The following ACOXL variants were observed in gnomAD, a reference collection of about 807,000 sequenced individuals.
The protein encoded by ACOXL is acyl-CoA oxidase like, also known as acyl-coenzyme A oxidase-like protein.
Under a neutral mutation model 71.9 loss-of-function variants are expected in ACOXL, and 70 were observed. The ratio of observed to expected loss-of-function variants is 0.97; its 90% confidence interval spans 0.80 to 1.19. The LOEUF (loss-of-function observed/expected upper bound fraction) is 1.19. Among genes scored for constraint, ACOXL ranks in the 50% most tolerant of loss-of-function variants. ACOXL has a pLI of 0.00. For missense variants in ACOXL, 703 were observed against 736.3 expected (o/e 0.95, Z 0.52); for synonymous variants, 253 against 281.6 (o/e 0.90, Z 1.02).
chr2:110,801,359 G>A (rs1685968564), intron 7 of ACOXL, among the ~76,000 whole-genome samples: 1 of 152,226 alleles, frequency 6.6e-6, no homozygotes, highest in Admixed American at 6.5e-5. Flanking sequence ...CACTGCTCGG[G>A]AGGTAGGTGT....
intron 9 of ACOXL, among the ~76,000 whole-genome samples, chr2:110,813,540 C>G (rs1687590937): frequency 1.3e-5 from 2 of 152,168 alleles, no homozygotes; most frequent in Admixed American, 6.5e-5. Context: ...TTGGCCACCT[C>G]TGGGGAAAAG....
rs370647785 is a variant in ACOXL, at chr2:110,889,291, G to A, written c.789-19498G>A. 3.4e-5 allele frequency among the ~76,000 whole-genome samples: 5 copies of A among 149,166 alleles called. No homozygotes were observed. The East Asian group carries it at 7.9e-4, about 23-fold the overall frequency. ...TGGAAATTCAAGAGCCCATGGTGAAGTAAAATTAACCACCCCAACTAATTT... is the reference window on the plus strand; with the variant it reads ...TGGAAATTCAAGAGCCCATGGTGAAATAAAATTAACCACCCCAACTAATTT... On this transcript the variant is annotated intron_variant, in intron 10 of 17. Transcript: ENST00000439055.
intron 10 of ACOXL, among the ~76,000 whole-genome samples, chr2:110,898,022 A>G (rs1233872732): frequency 6.6e-6 from 1 of 152,176 alleles, no homozygotes; most frequent in Non-Finnish European, 1.5e-5. Context: ...TAAAAAACCC[A>G]CAAAATATCA....
At chr2:111,060,923 G>T (rs1293367038) in intron 16 of ACOXL, among the ~76,000 whole-genome samples, 1 of 152,078 alleles carries the variant, frequency 6.6e-6, no homozygotes, top group Admixed American at 6.5e-5. Context: ...AGAGAACAGA[G>T]GAAAGAATAA....
Position 110,793,714 on chromosome 2 carries a change from C to T in ACOXL, c.224C>T (p.Thr75Ile), listed in dbSNP as rs1684947435. The change falls in exon 4 of 18, where the codon ACT (threonine) becomes ATT (isoleucine). Residue 75 changes from threonine to isoleucine, a missense_variant. Physicochemically the swap from Thr to Ile is moderately conservative, Grantham distance 89. Coordinates refer to ENST00000439055, the MANE Select transcript of ACOXL (RefSeq NM_001142807.4). Reference protein sequence around the residue: ...IRNLGSPEHVTKWFQPLQEQK... With the variant: ...IRNLGSPEHVIKWFQPLQEQK... Reference sequence around the variant, plus strand: ...AATCTCGGAAGCCCTGAACATGTTACTAAGTGGTTTCAGCCACTCCAGGTA... The same window carrying T: ...AATCTCGGAAGCCCTGAACATGTTATTAAGTGGTTTCAGCCACTCCAGGTA... The T allele has an allele frequency of 1.9e-6, 3 of 1,614,092 alleles. No homozygotes were observed. Among genetic ancestry groups the T allele is most frequent in the African/African-American group, 1.3e-5 (1 of 75,008 alleles).
intron 12 of ACOXL, among the ~76,000 whole-genome samples, chr2:110,975,808 CAAAA>C (rs200729331): frequency 8.0e-6 from 1 of 124,964 alleles, no homozygotes; most frequent in African/African-American, 2.9e-5. Flanking sequence ...ATAAAGATTG[CAAAA>C]AAAAAAAAAT....
intron 10 of ACOXL, among the ~76,000 whole-genome samples, chr2:110,906,883 G>C (rs2059471955): frequency 6.6e-6 from 1 of 152,248 alleles, no homozygotes; most frequent in Admixed American, 6.5e-5. Flanking sequence ...GTCCCCCAGT[G>C]GGGTGGATTG....
At chr2:110,772,027 G>A (rs1682009980) in intron 2 of ACOXL, among the ~76,000 whole-genome samples, 1 of 152,204 alleles carries the variant, frequency 6.6e-6, no homozygotes, top group Non-Finnish European at 1.5e-5. Context: ...AGTTGACTGA[G>A]TACATGTTCT....
intron 2 of ACOXL, among the ~76,000 whole-genome samples, chr2:110,779,438 TAAA>T (rs1683061738): frequency 6.6e-6 from 1 of 152,238 alleles, no homozygotes; most frequent in Non-Finnish European, 1.5e-5. Context: ...ATACTTAGTT[TAAA>T]AATGTTGTAG....
intron 3 of ACOXL, among the ~76,000 whole-genome samples, chr2:110,792,378 C>T (rs908857749): frequency 3.3e-5 from 5 of 152,238 alleles, no homozygotes; most frequent in Non-Finnish European, 7.3e-5. Context: ...CCTGCTCCTT[C>T]CAAACGGCCC....
chr2:111,081,798 C>A (rs563900713), intron 16 of ACOXL, among the ~76,000 whole-genome samples: 2 of 152,198 alleles, frequency 1.3e-5, no homozygotes, highest in Non-Finnish European at 2.9e-5. Flanking sequence ...GTAACCAAAA[C>A]AGCATGGTAC....
intron 12 of ACOXL, among the ~76,000 whole-genome samples, chr2:110,971,119 CA>C (rs1227972191): frequency 6.6e-6 from 1 of 152,102 alleles, no homozygotes; most frequent in African/African-American, 2.4e-5. Flanking sequence ...CAAAACTCAA[CA>C]GTGACAAACA....
chr2:110,890,629 G>A (rs1186579739), intron 10 of ACOXL, among the ~76,000 whole-genome samples: 1 of 152,086 alleles, frequency 6.6e-6, no homozygotes, highest in African/African-American at 2.4e-5. Context: ...ATAAATATAA[G>A]GATATATTTC....
intron 15 of ACOXL, among the ~76,000 whole-genome samples, chr2:111,047,899 C>T (rs2066094201): frequency 2.0e-5 from 3 of 152,286 alleles, no homozygotes; most frequent in South Asian, 2.1e-4. Context: ...TAATCAGCAC[C>T]AGATACAACT....
At chr2:110,885,975 T>C (rs1312559603) in intron 10 of ACOXL, among the ~76,000 whole-genome samples, 4 of 152,168 alleles carry the variant, frequency 2.6e-5, no homozygotes, top group African/African-American at 9.7e-5. Context: ...TGTTTTTATA[T>C]GTTTCTCAAA....
Position 110,908,902 on chromosome 2 carries a change from G to C in ACOXL, c.902G>C (p.Ser301Thr). 1 of 1,613,050 alleles carries C rather than the reference G, an allele frequency of 6.2e-7. No individual in the cohort carries two copies. Among genetic ancestry groups the C allele is most frequent in the South Asian group, 1.1e-5 (1 of 90,906 alleles). ...ACAGCCTTGGCCCTGACCTTCGTCA[G>C]CAGGTGAGATGGCTCTCAGGGTTTG... ...LATALALTFV[S>T]RYAGALLDED... Residue 301 changes from serine to threonine, a missense_variant, in exon 11 of 18, where the codon AGC (serine) becomes ACC (threonine). By Grantham distance (58) the Ser-to-Thr change is moderately conservative. Coordinates refer to ENST00000439055, the MANE Select transcript of ACOXL (RefSeq NM_001142807.4).
At chr2:110,770,248 G>C (rs1413977906) in intron 2 of ACOXL, among the ~76,000 whole-genome samples, 1 of 152,214 alleles carries the variant, frequency 6.6e-6, no homozygotes. Flanking sequence ...CAGTTCAGGA[G>C]ACCACAGGGG....
intron 17 of ACOXL, among the ~76,000 whole-genome samples, chr2:111,093,212 T>G (rs930690867): frequency 2.6e-5 from 4 of 151,710 alleles, no homozygotes; most frequent in African/African-American, 7.3e-5. Flanking sequence ...TCAAAATGTT[T>G]TCCTTGTCTT....
intron 16 of ACOXL, among the ~76,000 whole-genome samples, chr2:111,066,092 C>A (rs887008142): frequency 6.6e-6 from 1 of 152,192 alleles, no homozygotes; most frequent in African/African-American, 2.4e-5. Flanking sequence ...TACATAGCTG[C>A]TTTGTTCAGA....
Sources: gnomAD v4.1 joint callset for allele counts (sites outside exome capture counted in the v4.1 genomes callset) on GRCh38, gnomAD v4.1.1 for gene constraint, MANE v1.5 for transcripts, NCBI Gene and HGNC (gene_info 2026-07-23, HGNC 2026-07-21) for gene names.